The following BFAR variants were observed in gnomAD, a reference collection of about 807,000 sequenced individuals.
The protein encoded by BFAR is bifunctional apoptosis regulator.
A neutral mutation model predicts 54.4 loss-of-function variants in BFAR; 52 were observed. The observed-to-expected ratio is 0.96, with a 90% CI of 0.77 to 1.21. The LOEUF (loss-of-function observed/expected upper bound fraction) is 1.21, where lower values mean the gene tolerates loss of function less well. BFAR is among the 50% of genes most tolerant of loss of function. The pLI, the probability that BFAR is intolerant of heterozygous loss-of-function variation, is 0.00. For missense variants in BFAR, 571 were observed against 534.0 expected (o/e 1.07, Z -0.68); for synonymous variants, 215 against 204.3 (o/e 1.05, Z -0.45).
intron 5 of BFAR, among the ~76,000 whole-genome samples, chr16:14,659,773 A>G (rs1237999854): frequency 1.3e-5 from 2 of 151,352 alleles, no homozygotes; most frequent in African/African-American, 2.4e-5. Context: ...GCTGGTCTCA[A>G]TCTCCTGACC....
intron 4 of BFAR, among the ~76,000 whole-genome samples, chr16:14,651,918 G>A (rs1490225821): frequency 3.8e-5 from 5 of 130,560 alleles, no homozygotes; most frequent in Non-Finnish European, 6.2e-5. Context: ...ATGGAGTCTC[G>A]CTCTGTCCTT....
At chr16:14,655,517 T>G (rs1960106409) in intron 5 of BFAR, among the ~76,000 whole-genome samples, 1 of 146,772 alleles carries the variant, frequency 6.8e-6, no homozygotes, top group African/African-American at 2.5e-5. Flanking sequence ...CACTGCAACC[T>G]CCACCTCCCA....
intron 4 of BFAR, among the ~76,000 whole-genome samples, chr16:14,652,733 T>G (rs572970555): frequency 1.2e-3 from 189 of 152,268 alleles, no homozygotes; most frequent in Non-Finnish European, 1.4e-3. Context: ...TTTTTTTAAT[T>G]TAAACTGAAA....
intron 4 of BFAR, among the ~76,000 whole-genome samples, chr16:14,653,396 T>C (rs1273542041): frequency 2.6e-5 from 4 of 152,042 alleles, no homozygotes; most frequent in Non-Finnish European, 4.4e-5. Flanking sequence ...GGCGTGATCT[T>C]GGCTCACTGC....
At chr16:14,661,481 A>G (rs1235121165) in intron 5 of BFAR, among the ~76,000 whole-genome samples, 1 of 134,304 alleles carries the variant, frequency 7.4e-6, no homozygotes, top group Non-Finnish European at 1.5e-5. Flanking sequence ...GGCACACTGC[A>G]ACCTCCACCT....
chr16:14,650,134 C>T (rs1959927742), intron 4 of BFAR, 161 bp downstream of exon 4: 3 of 595,118 alleles, frequency 5.0e-6, no homozygotes, highest in Admixed American at 4.0e-5. Context: ...CCAGCCTGAC[C>T]AATATGATGA....
chr16:14,653,515 G>A (rs1291556846), intron 4 of BFAR, among the ~76,000 whole-genome samples: 2 of 151,840 alleles, frequency 1.3e-5, no homozygotes, highest in African/African-American at 4.8e-5. Flanking sequence ...TAGTAGAGAC[G>A]AGGTTTCACC....
At chr16:14,635,313 C>T (rs1312608277) in intron 1 of BFAR, among the ~76,000 whole-genome samples, 1 of 152,044 alleles carries the variant, frequency 6.6e-6, no homozygotes, top group Non-Finnish European at 1.5e-5. Context: ...CCAGCCTGGG[C>T]GACAGAGTGA....
chr16:14,649,854 C>T lies in BFAR; in HGVS notation c.519C>T (p.Leu173=). ...GCAGCAGGGAATCTGAACACGACCT[C>T]CTGGTCCACAAGGCTGTGGCCAAAT... ...HWSSRESEHD[L]LVHKAVAKWT... The change falls in exon 4 of 8, where the codon CTC becomes CTT. Residue 173 remains leucine, a synonymous_variant. Transcript: ENST00000261658. The T allele has an allele frequency of 6.2e-7, 1 of 1,612,630 alleles. No homozygotes were observed. Among genetic ancestry groups the T allele is most frequent in the Non-Finnish European group, 8.5e-7 (1 of 1,179,192 alleles).
At position 14,649,867 on chromosome 16, in the gene BFAR, G is replaced by C; in HGVS notation, c.532G>C (p.Ala178Pro). 1 of 1,613,410 alleles carries C rather than the reference G, an allele frequency of 6.2e-7. No individual in the cohort carries two copies. The highest frequency in any genetic ancestry group is 8.5e-7 in the Non-Finnish European group (1 of 1,179,650). The change falls in exon 4 of 8, where the codon GCT becomes CCT. Residue 178 changes from alanine (A) to proline (P), a missense_variant. Transcript: ENST00000261658. ...ESEHDLLVHK[A>P]VAKWTAEEVV... ...TGAACACGACCTCCTGGTCCACAAG[G>C]CTGTGGCCAAATGGACGGCGGAAGA...
At chr16:14,644,643 C>T in intron 2 of BFAR, 34 bp downstream of exon 2, 1 of 1,584,596 alleles carries the variant, frequency 6.3e-7, no homozygotes, top group Non-Finnish European at 8.6e-7. Context: ...GCACAAACAG[C>T]CCATAAAATG....
chr16:14,661,912 C>A lies in BFAR; in HGVS notation c.804C>A (p.Ser268=), dbSNP rs754542267. The change falls in exon 6 of 8, where the codon TCC becomes TCA. Residue 268 remains serine (S), a synonymous_variant. Transcript: ENST00000261658. The part of the protein sequence containing the change: ...WEYKAVNPGR[S]LFLLYALKSS... The stretch of plus-strand genomic sequence containing the variant: ...TGCAGGCTGTGAACCCAGGCAGGTC[C>A]CTGTTCCTGCTATACGCCCTCAAGA... The A allele has an allele frequency of 5.5e-5, 89 of 1,614,028 alleles. No homozygotes were observed. In the South Asian group the frequency reaches 9.7e-4, roughly 18 times the overall value.
At chr16:14,655,885 G>T (rs1466537205) in intron 5 of BFAR, among the ~76,000 whole-genome samples, 1 of 152,166 alleles carries the variant, frequency 6.6e-6, no homozygotes, top group African/African-American at 2.4e-5. Context: ...CTTTGCACTT[G>T]GAATGGAGGC....
rs1025483172 is a variant in BFAR, at chr16:14,664,989, CG to C, written c.1080del (p.Leu362SerfsTer25). 1 of 1,613,884 alleles carries C rather than the reference CG, an allele frequency of 6.2e-7. No individual in the cohort carries two copies. Among genetic ancestry groups the C allele is most frequent in the African/African-American group, 1.3e-5 (1 of 75,024 alleles). On this transcript the variant is annotated frameshift_variant, in exon 7 of 8. Transcript: ENST00000261658. LOFTEE classifies it high-confidence loss of function. ...GTTGGAGGTCCATTACTGGACATCA[CG>C]GTTTCTCATCATCAATGCTATGTTA... is the stretch of plus-strand genomic sequence containing the variant. ...DWLEVHYWTS[R>X]FLIINAMLLS...
intron 1 of BFAR, among the ~76,000 whole-genome samples, chr16:14,633,949 G>T (rs1959349612): frequency 6.6e-6 from 1 of 152,200 alleles, no homozygotes; most frequent in Non-Finnish European, 1.5e-5. Flanking sequence ...CACCGCGCCC[G>T]GCCGAGAATT....
In BFAR at chr16:14,668,451, T is replaced by C. The variant is rs1328698793; in HGVS notation, c.*624T>C. ...GTTAGACTTGTAGTCACTGGGCTTTTGTTTTGCTTTATGGAAATCATTGAA... is the reference window on the plus strand; with the variant it reads ...GTTAGACTTGTAGTCACTGGGCTTTCGTTTTGCTTTATGGAAATCATTGAA... On this transcript the variant is annotated 3_prime_UTR_variant, in exon 8 of 8. Transcript: ENST00000261658. 1 of 152,560 alleles carries C rather than the reference T, an allele frequency of 6.6e-6. No individual in the cohort carries two copies. The highest frequency in any genetic ancestry group is 2.4e-5 in the African/African-American group (1 of 41,460). 9.5% of individuals were successfully genotyped at this position (152,560 alleles called of 1,614,324 possible).
At chr16:14,636,188 G>C (rs577158934) in intron 1 of BFAR, among the ~76,000 whole-genome samples, 2 of 152,150 alleles carry the variant, frequency 1.3e-5, no homozygotes, top group Non-Finnish European at 2.9e-5. Flanking sequence ...GGTGTTTCTC[G>C]TTAGGTGGAA....
chr16:14,664,828 C>A, intron 6 of BFAR, 41 bp from the exon 7 acceptor site: 1 of 1,562,194 alleles, frequency 6.4e-7, no homozygotes, highest in Non-Finnish European at 8.8e-7. Context: ...GTGTAAAAGT[C>A]AGTCCTCATG....
intron 6 of BFAR, among the ~76,000 whole-genome samples, chr16:14,664,039 TC>T (rs1382492297): frequency 6.6e-6 from 1 of 152,100 alleles, no homozygotes; most frequent in East Asian, 1.9e-4. Flanking sequence ...GTCAGGAGTT[TC>T]AAGACCAGCC....
Sources: allele counts gnomAD v4.1 joint callset (sites outside exome capture counted in the v4.1 genomes callset), GRCh38; gene constraint gnomAD v4.1.1; transcripts MANE v1.5; gene names NCBI Gene and HGNC (gene_info 2026-07-23, HGNC 2026-07-21).